Variants in CDH4 observed in about 807,000 individuals in gnomAD.
The protein encoded by CDH4 is cadherin-4.
A neutral mutation model predicts 86.0 loss-of-function variants in CDH4; 33 were observed. That is an observed-to-expected ratio of 0.38 (90% CI 0.29 to 0.51). CDH4 has a LOEUF of 0.51. Ranked by LOEUF, CDH4 falls within the 20% of genes least tolerant of loss-of-function variation. The pLI, the probability that CDH4 is intolerant of heterozygous loss-of-function variation, is 0.86. For synonymous variants in CDH4, 555 were observed against 549.4 expected (o/e 1.01, Z -0.14); for missense variants, 1,114 against 1,307.4 (o/e 0.85, Z 2.28).
intron 2 of CDH4, among the ~76,000 whole-genome samples, chr20:61,616,785 G>T (rs1304837120): frequency 6.6e-6 from 1 of 152,156 alleles, no homozygotes; most frequent in Non-Finnish European, 1.5e-5. Context: ...TTGATTTCAG[G>T]GCTGACCTTC....
At chr20:61,905,696 T>C (rs2054781055) in intron 8 of CDH4, among the ~76,000 whole-genome samples, 1 of 152,132 alleles carries the variant, frequency 6.6e-6, no homozygotes, top group African/African-American at 2.4e-5. Flanking sequence ...CTGCCTCTCT[T>C]CTGAACCACA....
chr20:61,560,324 G>A (rs1356211117), intron 2 of CDH4, among the ~76,000 whole-genome samples: 1 of 152,232 alleles, frequency 6.6e-6, no homozygotes, highest in Non-Finnish European at 1.5e-5. Flanking sequence ...ATGTCTACAT[G>A]TAAAACCTCA....
chr20:61,902,326 C>T lies in CDH4; in HGVS notation c.1188+7279C>T, dbSNP rs1402619377. On this transcript the variant is annotated intron_variant, in intron 8 of 15. Transcript: ENST00000614565. The surrounding 1 kb of genome is among the most constrained non-coding windows in gnomAD (Gnocchi z 4.6). ...TTCCAGGAGAAGCAGCCTCACTCTG[C>T]CCTTCACCAGCCACGGAGACCCGGG... Among the ~76,000 whole-genome samples, 9 of 152,264 alleles carry T rather than the reference C, an allele frequency of 5.9e-5. No homozygotes were observed. The highest frequency in any genetic ancestry group is 1.2e-4 in the Non-Finnish European group (8 of 68,040).
intron 2 of CDH4, among the ~76,000 whole-genome samples, chr20:61,285,408 A>AG (rs372860545): frequency 2.8e-4 from 42 of 150,672 alleles, no homozygotes; most frequent in African/African-American, 1.0e-3. Flanking sequence ...AGCATAGAGC[A>AG]GGGGCAGGAC....
intron 4 of CDH4, among the ~76,000 whole-genome samples, chr20:61,814,475 C>T (rs2093504592): frequency 6.6e-6 from 1 of 152,204 alleles, no homozygotes; most frequent in African/African-American, 2.4e-5. Flanking sequence ...GACCCAGCCC[C>T]TCACACCCAC....
At chr20:61,852,717 C>T in intron 5 of CDH4, 37 bp from the exon 6 acceptor site, 1 of 1,592,126 alleles carries the variant, frequency 6.3e-7, no homozygotes. Flanking sequence ...TGGGGGTGCC[C>T]ACCCGCCACT....
rs531765397 is a variant in CDH4 at position 61,663,581 on chromosome 20, G to T, written c.170-79982G>T. Among the ~76,000 whole-genome samples the T allele has an allele frequency of 2.0e-5, 3 of 152,304 alleles. No homozygotes were observed. The South Asian group carries it at 6.2e-4, about 32-fold the overall frequency. On this transcript the variant is annotated intron_variant, in intron 2 of 15. Transcript: ENST00000614565. The surrounding 1 kb of genome is among the most constrained non-coding windows in gnomAD (Gnocchi z 5.0). ...TGGGGCTGGATTTTATCCCAAGTGA[G>T]TCGGGAGCTGCTGGGACGGCAGGAC... is the stretch of plus-strand genomic sequence containing the variant.
Position 61,270,043 on chromosome 20 carries a change from C to T in CDH4, c.169+15106C>T, listed in dbSNP as rs1375409694. On this transcript the variant is annotated intron_variant, in intron 2 of 15. Coordinates refer to ENST00000614565, the MANE Select transcript of CDH4 (RefSeq NM_001794.5). The stretch of plus-strand genomic sequence containing the variant: ...TTATGGTTTTGTTTAGATACTTTCT[C>T]CCCTAATGGTCTTTACATTTCTTAT... Among the ~76,000 whole-genome samples the T allele has an allele frequency of 3.3e-5, 5 of 152,228 alleles. No individual in the cohort carries two copies. The East Asian group carries it at 9.6e-4, about 29-fold the overall frequency.
At position 61,565,232 on chromosome 20, in the gene CDH4, G is replaced by C. The variant is rs1450734908; in HGVS notation, c.170-178331G>C. On this transcript the variant is annotated intron_variant, in intron 2 of 15. Transcript: ENST00000614565. The stretch of plus-strand genomic sequence containing the variant: ...GGTGCTCTCGGTGGTAGGTGGTGGT[G>C]GTGGTGGTGGCGGTGCTCTTGGTGA... 2.0e-4 allele frequency among the ~76,000 whole-genome samples: 10 copies of C among 51,074 alleles called. 2 individuals are homozygous for C. The highest frequency in any genetic ancestry group is 3.5e-4 in the Non-Finnish European group (9 of 25,604). The allele number at this position is 51,074 out of a possible 152,430, so 33.5% of individuals were successfully genotyped here. A position where few individuals can be genotyped will look rare whatever the true frequency, so the allele number is the denominator to read the frequency against.
chr20:61,925,657 A>T (rs1018902693), intron 11 of CDH4, among the ~76,000 whole-genome samples: 2 of 152,242 alleles, frequency 1.3e-5, no homozygotes, highest in African/African-American at 4.8e-5. Context: ...AACCTGGGTC[A>T]GTGAATACTG....
chr20:61,544,216 C>T lies in CDH4; in HGVS notation c.170-199347C>T, dbSNP rs187958917. On this transcript the variant is annotated intron_variant, in intron 2 of 15. Coordinates refer to ENST00000614565, the MANE Select transcript of CDH4 (RefSeq NM_001794.5). This position sits in a 1 kb window ranked among gnomAD's most constrained non-coding sequence, Gnocchi z 6.5. ...GCTGCCCCGTCTCCCCAGGGGACCT[C>T]GGCAATGCCAGAGACCACAGTTGTG... Among the ~76,000 whole-genome samples, 6 of 152,204 alleles carry T rather than the reference C, an allele frequency of 3.9e-5. No homozygotes were observed. The highest frequency in any genetic ancestry group is 3.4e-3 in the Middle Eastern group (1 of 294).
intron 2 of CDH4, among the ~76,000 whole-genome samples, chr20:61,327,553 G>C (rs956480121): frequency 1.8e-4 from 28 of 152,178 alleles, no homozygotes; most frequent in Admixed American, 1.8e-3. Flanking sequence ...CTGATCTCCT[G>C]TTTGACCTGT....
At chr20:61,273,652 T>C (rs1339266087) in intron 2 of CDH4, among the ~76,000 whole-genome samples, 7 of 126,128 alleles carry the variant, frequency 5.5e-5, no homozygotes, top group Middle Eastern at 5.6e-3. Flanking sequence ...GGGGGAGTAC[T>C]GTGTGCAGTT....
chr20:61,499,393 G>T (rs547085587), intron 2 of CDH4: 1 of 1,210,944 alleles, frequency 8.3e-7, no homozygotes, highest in African/African-American at 1.6e-5. Flanking sequence ...AAGGTTATGC[G>T]GGACTGGGGT....
chr20:61,492,936 G>A (rs1291427448), intron 2 of CDH4, among the ~76,000 whole-genome samples: 1 of 152,202 alleles, frequency 6.6e-6, no homozygotes, highest in Non-Finnish European at 1.5e-5. Context: ...AGCCAAGTTG[G>A]CAGTGGAGGT....
chr20:61,730,307 C>T (rs2088163413), intron 2 of CDH4, among the ~76,000 whole-genome samples: 4 of 152,096 alleles, frequency 2.6e-5, no homozygotes, highest in Non-Finnish European at 2.9e-5. Context: ...CCTGAAAGTC[C>T]CCCATGCCCT....
At chr20:61,555,071 G>T (rs779673913) in intron 2 of CDH4, among the ~76,000 whole-genome samples, 17 of 152,190 alleles carry the variant, frequency 1.1e-4, no homozygotes, top group Non-Finnish European at 2.2e-4. Context: ...TGTATATGAT[G>T]TCTGCCCATG....
intron 2 of CDH4, among the ~76,000 whole-genome samples, chr20:61,397,012 G>A (rs887760843): frequency 6.6e-6 from 1 of 152,162 alleles, no homozygotes; most frequent in Non-Finnish European, 1.5e-5. Flanking sequence ...CCAGGCCCAA[G>A]CAATTCTCCC....
chr20:61,777,257 G>A (rs2088852700), intron 4 of CDH4, among the ~76,000 whole-genome samples: 1 of 152,184 alleles, frequency 6.6e-6, no homozygotes, highest in Admixed American at 6.5e-5. Flanking sequence ...GGGAATGAAT[G>A]AGTGAGTGAG....
Sources: gnomAD v4.1 joint callset for allele counts (sites outside exome capture counted in the v4.1 genomes callset) on GRCh38, gnomAD v4.1.1 for gene constraint, Gnocchi (gnomAD v3.1) non-coding constraint, MANE v1.5 for transcripts, NCBI Gene and HGNC (gene_info 2026-07-23, HGNC 2026-07-21) for gene names.